SLC4A10: variants seen among roughly 807,000 people sequenced by gnomAD.
SLC4A10 encodes sodium-driven chloride bicarbonate exchanger.
SLC4A10 carries 42 observed loss-of-function variants against 137.7 expected under a neutral mutation model. That is an observed-to-expected ratio of 0.30 (90% CI 0.24 to 0.39). SLC4A10 has a LOEUF of 0.39. Among genes scored for constraint, SLC4A10 ranks in the 10% least tolerant of loss-of-function variants. The pLI is 1.00. For missense variants in SLC4A10, 925 were observed against 1,355.0 expected (o/e 0.68, Z 4.98); for synonymous variants, 474 against 464.1 (o/e 1.02, Z -0.27).
intron 26 of SLC4A10, among the ~76,000 whole-genome samples, chr2:161,981,854 C>T (rs763928688): frequency 4.6e-5 from 7 of 152,162 alleles, no homozygotes; most frequent in South Asian, 4.1e-4. Context: ...CATAGACACG[C>T]GCTCACACCA....
intron 3 of SLC4A10, among the ~76,000 whole-genome samples, chr2:161,817,787 T>C (rs1005159868): frequency 5.3e-5 from 8 of 152,062 alleles, no homozygotes; most frequent in Admixed American, 2.0e-4. Flanking sequence ...ATCAGATAGT[T>C]GTAGATATGC....
chr2:161,898,678 A>G (rs1276573635), intron 11 of SLC4A10, among the ~76,000 whole-genome samples: 1 of 152,144 alleles, frequency 6.6e-6, no homozygotes, highest in African/African-American at 2.4e-5. Flanking sequence ...TCAGTCATTA[A>G]AATCACTCCC....
intron 21 of SLC4A10, among the ~76,000 whole-genome samples, chr2:161,961,443 C>T (rs1283643440): frequency 6.6e-6 from 1 of 151,854 alleles, no homozygotes; most frequent in African/African-American, 2.4e-5. Context: ...TTAATTTGCT[C>T]ATTTAAAATT....
intron 15 of SLC4A10, among the ~76,000 whole-genome samples, chr2:161,916,869 G>A (rs147158953): frequency 8.5e-4 from 130 of 152,192 alleles, no homozygotes; most frequent in African/African-American, 2.6e-3. Context: ...CTCGCCTACC[G>A]TATATAATTT....
chr2:161,745,841 C>T (rs1263402985), intron 1 of SLC4A10, among the ~76,000 whole-genome samples: 1 of 152,132 alleles, frequency 6.6e-6, no homozygotes, highest in African/African-American at 2.4e-5. Flanking sequence ...GAGGTACTGC[C>T]TTGGTGGTGT....
chr2:161,784,706 G>A (rs1410271678), intron 2 of SLC4A10, among the ~76,000 whole-genome samples: 1 of 151,556 alleles, frequency 6.6e-6, no homozygotes, highest in Non-Finnish European at 1.5e-5. Context: ...GAGACATGAA[G>A]ATGAAAACAT....
intron 12 of SLC4A10, chr2:161,901,981 T>G (rs557393692): frequency 2.2e-6 from 1 of 455,480 alleles, no homozygotes; most frequent in Non-Finnish European, 4.4e-6. Flanking sequence ...ATAGCTTAGA[T>G]TTTTTTCGAA....
chr2:161,822,792 T>C (rs1397969820), intron 3 of SLC4A10, among the ~76,000 whole-genome samples: 1 of 152,062 alleles, frequency 6.6e-6, no homozygotes, highest in Non-Finnish European at 1.5e-5. Flanking sequence ...ATGGCCAACA[T>C]GGCAAAACCT....
chr2:161,868,431 A>G (rs569451358), intron 6 of SLC4A10, among the ~76,000 whole-genome samples: 1 of 151,780 alleles, frequency 6.6e-6, no homozygotes, highest in Non-Finnish European at 1.5e-5. Flanking sequence ...GTTAGTATTT[A>G]CTCAAAATAC....
intron 1 of SLC4A10, among the ~76,000 whole-genome samples, chr2:161,663,214 C>T (rs1288262874): frequency 6.6e-6 from 1 of 152,004 alleles, no homozygotes; most frequent in African/African-American, 2.4e-5. Flanking sequence ...ATACTGGAAC[C>T]AAATTAGAGG....
chr2:161,896,695 A>G (rs1279330111), intron 11 of SLC4A10, among the ~76,000 whole-genome samples: 1 of 152,118 alleles, frequency 6.6e-6, no homozygotes, highest in East Asian at 1.9e-4. Flanking sequence ...ACAATAGCAT[A>G]ACCCATCAAG....
intron 1 of SLC4A10, among the ~76,000 whole-genome samples, chr2:161,684,249 A>G (rs905966448): frequency 9.2e-5 from 14 of 152,236 alleles, no homozygotes; most frequent in Non-Finnish European, 2.9e-5. Flanking sequence ...ATAACATTCC[A>G]TTGTATGAAT....
At chr2:161,887,111 G>A (rs1417684156) in intron 10 of SLC4A10, among the ~76,000 whole-genome samples, 1 of 152,086 alleles carries the variant, frequency 6.6e-6, no homozygotes, top group Non-Finnish European at 1.5e-5. Context: ...TCCCTGCAAA[G>A]GACATGAACG....
chr2:161,783,903 TAA>T (rs2053339404), intron 2 of SLC4A10, among the ~76,000 whole-genome samples: 1 of 151,860 alleles, frequency 6.6e-6, no homozygotes, highest in Middle Eastern at 3.2e-3. Flanking sequence ...TCTCTATCAA[TAA>T]TTACTTTAAA....
intron 3 of SLC4A10, among the ~76,000 whole-genome samples, chr2:161,807,318 G>A (rs555087689): frequency 1.3e-5 from 2 of 152,212 alleles, no homozygotes; most frequent in East Asian, 3.9e-4. Flanking sequence ...ACCACAATAA[G>A]TGTTTTCGTA....
intron 4 of SLC4A10, among the ~76,000 whole-genome samples, chr2:161,841,933 G>A: frequency 6.6e-6 from 1 of 151,846 alleles, no homozygotes; most frequent in South Asian, 2.1e-4. Context: ...TACACAATAG[G>A]GATTATATAA....
chr2:161,690,652 A>T (rs2041887063), intron 1 of SLC4A10, among the ~76,000 whole-genome samples: 1 of 152,192 alleles, frequency 6.6e-6, no homozygotes, highest in Admixed American at 6.5e-5. Flanking sequence ...ATGAACATGG[A>T]TGGAGCAGAA....
chr2:161,793,710 G>C (rs912093688), intron 2 of SLC4A10, among the ~76,000 whole-genome samples: 10 of 152,138 alleles, frequency 6.6e-5, no homozygotes, highest in Admixed American at 6.5e-4. Context: ...TTTCCTGCTG[G>C]TACAATAAGC....
chr2:161,885,281 T>A (rs1339007271), intron 10 of SLC4A10, among the ~76,000 whole-genome samples: 1 of 134,604 alleles, frequency 7.4e-6, no homozygotes, highest in African/African-American at 2.8e-5. Context: ...ATAGTTTACT[T>A]TGGTTAAAAA....
Sources: gnomAD v4.1 joint callset for allele counts (sites outside exome capture counted in the v4.1 genomes callset) on GRCh38, gnomAD v4.1.1 for gene constraint, MANE v1.5 for transcripts, NCBI Gene and HGNC (gene_info 2026-07-23, HGNC 2026-07-21) for gene names.